The following AHCYL2 variants were observed in gnomAD, a reference collection of about 807,000 sequenced individuals.
AHCYL2 encodes the protein adenosylhomocysteinase like 2.
A neutral mutation model predicts 81.4 loss-of-function variants in AHCYL2; 28 were observed. The observed-to-expected ratio is 0.34, with a 90% CI of 0.25 to 0.47. The LOEUF is 0.47. Ranked by LOEUF, AHCYL2 falls within the 20% of genes least tolerant of loss-of-function variation. AHCYL2 has a pLI of 1.00. For synonymous variants in AHCYL2, 272 were observed against 290.2 expected (o/e 0.94, Z 0.64); for missense variants, 551 against 785.1 (o/e 0.70, Z 3.56).
intron 1 of AHCYL2, among the ~76,000 whole-genome samples, chr7:129,233,142 C>T (rs147033226): frequency 2.8e-4 from 43 of 152,260 alleles, no homozygotes; most frequent in African/African-American, 9.1e-4. Context: ...TTCTCTAGTT[C>T]ACTTTCCAGC....
At chr7:129,345,836 G>A (rs1488319322) in intron 1 of AHCYL2, among the ~76,000 whole-genome samples, 2 of 152,122 alleles carry the variant, frequency 1.3e-5, no homozygotes, top group East Asian at 3.9e-4. Context: ...CCGAAATAGA[G>A]GCTCAATTAT....
rs758484587 is a variant in AHCYL2 at position 129,406,357 on chromosome 7, T to G, written c.1207-21T>G. ...TTTCTCAGTGACTTTCCTTAATATG[T>G]GTGCTCTCTCCCCTCTTCAGGTGGG... is the stretch of plus-strand genomic sequence containing the variant. On this transcript the variant is annotated intron_variant, in intron 9 of 16. Transcript: ENST00000325006. This position sits in a 1 kb window ranked among gnomAD's most constrained non-coding sequence, Gnocchi z 4.3. The G allele has an allele frequency of 1.2e-6, 2 of 1,610,214 alleles. No individual in the cohort carries two copies. Among genetic ancestry groups the G allele is most frequent in the Non-Finnish European group, 1.7e-6 (2 of 1,176,628 alleles).
chr7:129,411,263 T>G (rs1796560276), intron 11 of AHCYL2, among the ~76,000 whole-genome samples: 1 of 152,146 alleles, frequency 6.6e-6, no homozygotes, highest in African/African-American at 2.4e-5. Flanking sequence ...TGGCTTTTAG[T>G]AAAGTTGTAG....
intron 1 of AHCYL2, among the ~76,000 whole-genome samples, chr7:129,265,528 G>C (rs1171511771): frequency 6.6e-6 from 1 of 152,154 alleles, no homozygotes; most frequent in African/African-American, 2.4e-5. Flanking sequence ...GAGGGGGTGT[G>C]TGTGGGTGAA....
intron 1 of AHCYL2, among the ~76,000 whole-genome samples, chr7:129,296,383 T>C (rs192659587): frequency 6.6e-5 from 10 of 152,244 alleles, no homozygotes; most frequent in Non-Finnish European, 8.8e-5. Flanking sequence ...GACAAAATTA[T>C]TTTCTGGTGT....
At chr7:129,399,781 C>T (rs1195666445) in intron 5 of AHCYL2, among the ~76,000 whole-genome samples, 1 of 143,862 alleles carries the variant, frequency 7.0e-6, no homozygotes, top group Non-Finnish European at 1.5e-5. Context: ...GGCTGGAGTG[C>T]AGTGGCACGA....
rs571561435 is a variant in AHCYL2 at position 129,315,330 on chromosome 7, C to G, written c.364-64308C>G. ...ATTCAAAGCACTTCAGGGTCCAGTA[C>G]CTTGGTTCTTTCCTAATCCCCTACT... On this transcript the variant is annotated intron_variant, in intron 1 of 16. Coordinates refer to ENST00000325006, the MANE Select transcript of AHCYL2 (RefSeq NM_015328.4). Among the ~76,000 whole-genome samples, 7 of 152,262 alleles carry G rather than the reference C, an allele frequency of 4.6e-5. No individual in the cohort carries two copies. In the East Asian group the frequency reaches 1.4e-3, roughly 29 times the overall value.
chr7:129,280,966 T>C (rs570478820), intron 1 of AHCYL2, among the ~76,000 whole-genome samples: 28 of 148,928 alleles, frequency 1.9e-4, no homozygotes, highest in African/African-American at 6.4e-4. Flanking sequence ...CTGGTTCAAG[T>C]GATTCTCCTA....
At chr7:129,330,501 C>G (rs1798379700) in intron 1 of AHCYL2, among the ~76,000 whole-genome samples, 1 of 144,260 alleles carries the variant, frequency 6.9e-6, no homozygotes. Flanking sequence ...GACGGAGTCT[C>G]ACTCTGTCGT....
chr7:129,349,488 AC>A (rs1554484829), intron 1 of AHCYL2, among the ~76,000 whole-genome samples: 3 of 145,192 alleles, frequency 2.1e-5, no homozygotes, highest in African/African-American at 5.2e-5. Context: ...AAAAAAAAAA[AC>A]CCACAAAAAT....
chr7:129,318,988 A>G (rs1007798773), intron 1 of AHCYL2, among the ~76,000 whole-genome samples: 9 of 152,064 alleles, frequency 5.9e-5, no homozygotes, highest in African/African-American at 2.2e-4. Context: ...AAGTTAAAAG[A>G]CAAGTGAGAA....
At chr7:129,258,622 G>A (rs10245502) in intron 1 of AHCYL2, among the ~76,000 whole-genome samples, 1 of 150,520 alleles carries the variant, frequency 6.6e-6, no homozygotes. Context: ...CTGACTTCCA[G>A]AGAGTTCCCT....
chr7:129,412,370 T>A (rs62479487), intron 11 of AHCYL2, among the ~76,000 whole-genome samples: 1 of 149,348 alleles, frequency 6.7e-6, no homozygotes, highest in Non-Finnish European at 1.5e-5. Context: ...AACTTCCACC[T>A]CCCGTGTGCA....
chr7:129,424,679 A>C lies in AHCYL2; in HGVS notation c.1561-195A>C. Reference sequence around the variant, plus strand: ...CAGAAATCTTTTAGCTATTAGTTTCATCAGATTTTCCAGAATTTTAGTGGT... The same window carrying C: ...CAGAAATCTTTTAGCTATTAGTTTCCTCAGATTTTCCAGAATTTTAGTGGT... On this transcript the variant is annotated intron_variant, in intron 13 of 16. Coordinates refer to ENST00000325006, the MANE Select transcript of AHCYL2 (RefSeq NM_015328.4). 3 of 609,776 alleles carry C rather than the reference A, an allele frequency of 4.9e-6. No homozygotes were observed. In the South Asian group the frequency reaches 6.0e-5, roughly 12 times the overall value. The allele number at this position is 609,776 out of a possible 1,614,324, so 37.8% of individuals were successfully genotyped here.
chr7:129,307,983 C>T (rs912558583), intron 1 of AHCYL2, among the ~76,000 whole-genome samples: 2 of 151,638 alleles, frequency 1.3e-5, no homozygotes, highest in South Asian at 4.2e-4. Context: ...CTTTACTCTT[C>T]CTTCTCCTCT....
chr7:129,243,018 C>CTTTTT (rs769701638), intron 1 of AHCYL2, among the ~76,000 whole-genome samples: 14 of 125,590 alleles, frequency 1.1e-4, no homozygotes, highest in Admixed American at 1.7e-4. Context: ...TATTGTTTCT[C>CTTTTT]TTTTTTTTTT....
At chr7:129,373,850 C>G (rs2150869701) in intron 1 of AHCYL2, among the ~76,000 whole-genome samples, 1 of 152,280 alleles carries the variant, frequency 6.6e-6, no homozygotes, top group African/African-American at 2.4e-5. Context: ...ATTCATCAAG[C>G]AAGCAAATGA....
chr7:129,372,442 T>C (rs1794454412), intron 1 of AHCYL2, among the ~76,000 whole-genome samples: 1 of 152,228 alleles, frequency 6.6e-6, no homozygotes, highest in Non-Finnish European at 1.5e-5. Flanking sequence ...TACCTGTCTC[T>C]TCTTAAGAGC....
intron 1 of AHCYL2, among the ~76,000 whole-genome samples, chr7:129,370,470 GGGCA>G (rs1794334749): frequency 6.6e-6 from 1 of 152,178 alleles, no homozygotes; most frequent in Non-Finnish European, 1.5e-5. Context: ...AGGCCAGGGC[GGGCA>G]GATCACGAGG....
Sources: allele counts gnomAD v4.1 joint callset (sites outside exome capture counted in the v4.1 genomes callset), GRCh38; gene constraint gnomAD v4.1.1; non-coding constraint Gnocchi (gnomAD v3.1); transcripts MANE v1.5; gene names NCBI Gene and HGNC (gene_info 2026-07-23, HGNC 2026-07-21).